The following CTNNA2 variants were observed in gnomAD, a reference collection of about 807,000 sequenced individuals.
The protein encoded by CTNNA2 is catenin alpha 2, also known as catenin alpha-2.
In CTNNA2, 42 loss-of-function variants were observed where a neutral mutation model predicts 101.0. The observed-to-expected ratio is 0.42, with a 90% confidence interval of 0.32 to 0.54. The LOEUF (loss-of-function observed/expected upper bound fraction) is 0.54. Ranked by LOEUF, CTNNA2 falls within the 20% of genes least tolerant of loss-of-function variation. The pLI is 0.14. For missense variants in CTNNA2, 871 were observed against 1,223.1 expected (o/e 0.71, Z 4.29); for synonymous variants, 450 against 456.4 (o/e 0.99, Z 0.18).
At chr2:80,627,950 G>A (rs1334675498) in intron 18 of CTNNA2, among the ~76,000 whole-genome samples, 2 of 152,084 alleles carry the variant, frequency 1.3e-5, no homozygotes, top group African/African-American at 2.4e-5. Context: ...AAAATTGCAA[G>A]CATTCCTATT....
At chr2:80,162,439 T>A in intron 7 of CTNNA2, 1 of 1,565,272 alleles carries the variant, frequency 6.4e-7, no homozygotes. Flanking sequence ...AATGTGCTTT[T>A]AACATGTGTT....
chr2:80,288,831 T>G (rs2149173867), intron 7 of CTNNA2: 1 of 152,296 alleles, frequency 6.6e-6, no homozygotes, highest in Middle Eastern at 3.4e-3. Flanking sequence ...ATCCCAGTTC[T>G]TTGGGGTTGG....
chr2:79,944,152 C>T (rs913606421), intron 7 of CTNNA2, among the ~76,000 whole-genome samples: 14 of 149,050 alleles, frequency 9.4e-5, no homozygotes, highest in Admixed American at 2.7e-4. Context: ...AAGCCTATTA[C>T]GTGCCATGCA....
intron 2 of CTNNA2, among the ~76,000 whole-genome samples, chr2:79,208,740 A>G (rs528247807): frequency 1.3e-5 from 2 of 152,338 alleles, no homozygotes; most frequent in East Asian, 3.9e-4. Flanking sequence ...TTCTCAGTAC[A>G]GCTGTGTGTA....
chr2:79,961,760 T>C (rs1689646868), intron 7 of CTNNA2, among the ~76,000 whole-genome samples: 1 of 139,598 alleles, frequency 7.2e-6, no homozygotes, highest in Non-Finnish European at 1.5e-5. Flanking sequence ...GGGCAGAGCC[T>C]GCGGTGAGCC....
chr2:79,579,014 T>A (rs1675974923), intron 1 of CTNNA2, among the ~76,000 whole-genome samples: 1 of 152,144 alleles, frequency 6.6e-6, no homozygotes, highest in African/African-American at 2.4e-5. Context: ...TTGTTCATCC[T>A]TCATTCCTCC....
At chr2:80,034,309 A>G (rs1054272552) in intron 7 of CTNNA2, among the ~76,000 whole-genome samples, 6 of 151,760 alleles carry the variant, frequency 4.0e-5, no homozygotes, top group Non-Finnish European at 4.4e-5. Context: ...GGGAAGTACA[A>G]ACAGTTCTTA....
intron 7 of CTNNA2, among the ~76,000 whole-genome samples, chr2:80,241,978 C>G (rs772006341): frequency 6.6e-6 from 1 of 152,152 alleles, no homozygotes; most frequent in Non-Finnish European, 1.5e-5. Flanking sequence ...CAGCTGAAAT[C>G]CACAGCAAGT....
chr2:79,514,963 A>G (rs1671731545), intron 1 of CTNNA2, among the ~76,000 whole-genome samples: 1 of 152,170 alleles, frequency 6.6e-6, no homozygotes, highest in African/African-American at 2.4e-5. Context: ...GGGAGTGTAA[A>G]GCAGGAGTTG....
At chr2:80,093,690 C>T (rs945712772) in intron 7 of CTNNA2, among the ~76,000 whole-genome samples, 20 of 150,360 alleles carry the variant, frequency 1.3e-4, no homozygotes, top group South Asian at 6.4e-4. Flanking sequence ...TTTTAATGAT[C>T]GCCATTCTAA....
intron 7 of CTNNA2, among the ~76,000 whole-genome samples, chr2:80,114,056 T>C (rs1052371755): frequency 6.6e-5 from 10 of 152,232 alleles, no homozygotes; most frequent in Non-Finnish European, 1.3e-4. Context: ...CCCTTTCTGA[T>C]GGGCACTGAG....
chr2:80,124,953 G>T (rs1221206667), intron 7 of CTNNA2, among the ~76,000 whole-genome samples: 1 of 152,170 alleles, frequency 6.6e-6, no homozygotes, highest in Non-Finnish European at 1.5e-5. Context: ...AGGGGCCAAG[G>T]CAGAGGGGAA....
chr2:80,144,831 G>C (rs1414814192), intron 7 of CTNNA2, among the ~76,000 whole-genome samples: 2 of 152,110 alleles, frequency 1.3e-5, no homozygotes, highest in Non-Finnish European at 2.9e-5. Flanking sequence ...CTCTATGGCA[G>C]AGTTTGTTAC....
At chr2:80,603,246 A>G (rs1697710804) in intron 15 of CTNNA2, among the ~76,000 whole-genome samples, 1 of 152,144 alleles carries the variant, frequency 6.6e-6, no homozygotes, top group Non-Finnish European at 1.5e-5. Context: ...TACATGCTAT[A>G]TTTTGTTTAA....
At chr2:79,381,328 G>A (rs1401281890) in intron 4 of CTNNA2, among the ~76,000 whole-genome samples, 1 of 152,090 alleles carries the variant, frequency 6.6e-6, no homozygotes, top group Non-Finnish European at 1.5e-5. Flanking sequence ...AAATCTCCTA[G>A]GTTTCAGGAC....
At chr2:79,561,133 A>G (rs1674752746) in intron 1 of CTNNA2, among the ~76,000 whole-genome samples, 1 of 151,910 alleles carries the variant, frequency 6.6e-6, no homozygotes, top group African/African-American at 2.4e-5. Context: ...GTGTTTCCAC[A>G]GATTTGCTTA....
chr2:80,133,398 GAAACAAAC>G (rs147179705), intron 7 of CTNNA2, among the ~76,000 whole-genome samples: 4 of 151,896 alleles, frequency 2.6e-5, no homozygotes, highest in Admixed American at 6.6e-5. Flanking sequence ...TCAGCCCTGT[GAAACAAAC>G]AAACAAACAA....
At chr2:80,316,675 A>G (rs1678157464) in intron 7 of CTNNA2, among the ~76,000 whole-genome samples, 1 of 152,208 alleles carries the variant, frequency 6.6e-6, no homozygotes. Flanking sequence ...TGCTTGCCAT[A>G]TTCTCTTCTC....
intron 7 of CTNNA2, among the ~76,000 whole-genome samples, chr2:80,313,913 G>T (rs1456857990): frequency 6.6e-6 from 1 of 152,196 alleles, no homozygotes; most frequent in African/African-American, 2.4e-5. Flanking sequence ...TAGCTCTGCA[G>T]TGGATTGACA....
Sources: allele counts gnomAD v4.1 joint callset (sites outside exome capture counted in the v4.1 genomes callset), GRCh38; gene constraint gnomAD v4.1.1; transcripts MANE v1.5; gene names NCBI Gene and HGNC (gene_info 2026-07-23, HGNC 2026-07-21).